The following HTR4 variants were observed in gnomAD, a reference collection of about 807,000 sequenced individuals.
HTR4 encodes the protein 5-hydroxytryptamine receptor 4, also known as 5-hydroxytryptamine (serotonin) receptor 4, G protein-coupled.
A neutral mutation model predicts 36.8 loss-of-function variants in HTR4; 16 were observed. That is an observed-to-expected ratio of 0.43 (90% CI 0.29 to 0.66). HTR4 has a LOEUF of 0.66. Ranked by LOEUF, HTR4 falls within the 30% of genes least tolerant of loss-of-function variation. The pLI is 0.13. For synonymous variants in HTR4, 189 were observed against 185.1 expected (o/e 1.02, Z -0.17); for missense variants, 438 against 490.9 (o/e 0.89, Z 1.02).
At chr5:148,532,491 T>C (rs756725748) in intron 4 of HTR4, among the ~76,000 whole-genome samples, 9 of 152,156 alleles carry the variant, frequency 5.9e-5, no homozygotes, top group Non-Finnish European at 1.3e-4. Flanking sequence ...GTTACCAGGT[T>C]TTGGAGATGT....
chr5:148,493,642 G>T (rs1310911778), intron 6 of HTR4, among the ~76,000 whole-genome samples: 2 of 151,726 alleles, frequency 1.3e-5, no homozygotes, highest in Admixed American at 6.6e-5. Context: ...TAATTAGCAA[G>T]TAAAAAAACA....
rs1200865806 is a variant in HTR4 at position 148,624,761 on chromosome 5, A to T, written c.26+12228T>A. On this transcript the variant is annotated intron_variant, in intron 2 of 6. Transcript: ENST00000377888. The stretch of plus-strand genomic sequence containing the variant: ...TCAGGGGCATAGAGTGGAGATGGGT[A>T]ATGGTTATTAATATCCACTGGGCAC... Among the ~76,000 whole-genome samples, 3 of 152,284 alleles carry T rather than the reference A, an allele frequency of 2.0e-5. No homozygotes were observed. In the East Asian group the frequency reaches 5.8e-4, roughly 29 times the overall value.
intron 4 of HTR4, among the ~76,000 whole-genome samples, chr5:148,540,877 G>A (rs531749260): frequency 3.2e-4 from 49 of 152,122 alleles, no homozygotes; most frequent in Non-Finnish European, 6.9e-4. Flanking sequence ...TCAGCTATGA[G>A]TCAGAAAGAA....
At chr5:148,472,843 T>C (rs560366879), downstream of HTR4, among the ~76,000 whole-genome samples, 2 of 152,314 alleles carry the variant, frequency 1.3e-5, no homozygotes, top group South Asian at 4.1e-4. Flanking sequence ...GACATATTGA[T>C]GAGAAACTGG....
Position 148,509,617 on chromosome 5 carries a change from G to T in HTR4, c.915C>A (p.Ser305=). ...TAFLWLGYIN[S]GLNPFLYAFL... ...AGGCGTAGAGAAAAGGGTTCAACCC[G>T]GAATTGATATAGCCGAGCCAGAGGA... The change falls in exon 6 of 7, where the codon TCC becomes TCA. Residue 305 remains serine (S), a synonymous_variant. Coordinates refer to ENST00000377888, the MANE Select transcript of HTR4 (RefSeq NM_000870.7). 1.2e-6 allele frequency: 2 copies of T among 1,614,050 alleles called. No homozygotes were observed. The highest frequency in any genetic ancestry group is 2.2e-5 in the South Asian group (2 of 91,076).
chr5:148,605,029 G>A (rs1752090183), intron 2 of HTR4, among the ~76,000 whole-genome samples: 1 of 152,070 alleles, frequency 6.6e-6, no homozygotes, highest in Admixed American at 6.6e-5. Flanking sequence ...AGGTATCTCT[G>A]TATACCTATT....
Position 148,615,159 on chromosome 5 carries a change from A to C in HTR4, c.26+21830T>G, listed in dbSNP as rs561184743. 5.3e-3 allele frequency among the ~76,000 whole-genome samples: 810 copies of C among 151,730 alleles called. 4 individuals are homozygous for C. Among genetic ancestry groups the C allele is most frequent in the Non-Finnish European group, 8.8e-3 (598 of 67,838 alleles). ...GATCTAGAACTAGAAATACCATTTG[A>C]CCCAGCCATCCCATTACTGGGTATA... is the stretch of plus-strand genomic sequence containing the variant. On this transcript the variant is annotated intron_variant, in intron 2 of 6. Coordinates refer to ENST00000377888, the MANE Select transcript of HTR4 (RefSeq NM_000870.7).
chr5:148,575,469 T>A (rs2113888633), intron 2 of HTR4, among the ~76,000 whole-genome samples: 1 of 152,182 alleles, frequency 6.6e-6, no homozygotes, highest in African/African-American at 2.4e-5. Context: ...TTGACAGAGA[T>A]CTGGAACCAT....
At chr5:148,637,223 G>T (rs555819682) in intron 1 of HTR4, among the ~76,000 whole-genome samples, 162 bp from the exon 2 acceptor site, 2 of 152,244 alleles carry the variant, frequency 1.3e-5, no homozygotes, top group South Asian at 2.1e-4. Flanking sequence ...GCATATTGAC[G>T]TATGGTACAG....
intron 2 of HTR4, among the ~76,000 whole-genome samples, chr5:148,588,549 T>A (rs1761435969): frequency 6.9e-6 from 1 of 145,562 alleles, no homozygotes; most frequent in Non-Finnish European, 1.5e-5. Context: ...TTTTTTTTTT[T>A]TTGAGATGGA....
intron 2 of HTR4, chr5:148,629,661 G>T (rs542825986): frequency 2.0e-5 from 3 of 152,264 alleles, no homozygotes; most frequent in South Asian, 2.1e-4. Flanking sequence ...AAGGTAAACT[G>T]CACAAAAGAC....
chr5:148,451,288 A>G, intron 5 of HTR4: 1 of 1,613,528 alleles, frequency 6.2e-7, no homozygotes, highest in Non-Finnish European at 8.5e-7. Context: ...AAGGAAGGAA[A>G]GAAGGCATGA....
At chr5:148,478,825 G>T (rs1488878678), downstream of HTR4, among the ~76,000 whole-genome samples, 1 of 151,982 alleles carries the variant, frequency 6.6e-6, no homozygotes, top group East Asian at 1.9e-4. Flanking sequence ...GGTCCCAAGA[G>T]GTAAACAAAA....
At chr5:148,623,962 G>T (rs1270490823) in intron 2 of HTR4, among the ~76,000 whole-genome samples, 2 of 152,198 alleles carry the variant, frequency 1.3e-5, no homozygotes, top group Non-Finnish European at 2.9e-5. Context: ...GAATCACAGA[G>T]CACATGGCCT....
Position 148,548,511 on chromosome 5 carries a change from C to A in HTR4, c.353+157G>T, listed in dbSNP as rs888093875. On this transcript the variant is annotated intron_variant, in intron 4 of 6. Coordinates refer to ENST00000377888, the MANE Select transcript of HTR4 (RefSeq NM_000870.7). ...GAGGGCCTGACTAAAAAGGGGGCCT[C>A]TGCAAAGGCTGGAGAATGACTGTAT... Among the ~76,000 whole-genome samples the A allele has an allele frequency of 1.7e-4, 26 of 152,238 alleles. 1 individual carries two copies. Among genetic ancestry groups the A allele is most frequent in the African/African-American group, 6.3e-4 (26 of 41,460 alleles).
chr5:148,552,602 T>A (rs1169774937), intron 2 of HTR4, among the ~76,000 whole-genome samples: 2 of 152,212 alleles, frequency 1.3e-5, no homozygotes, highest in African/African-American at 4.8e-5. Flanking sequence ...AGACTTCTTG[T>A]CATTCAGGCC....
chr5:148,542,587 A>C (rs192747417), intron 4 of HTR4, among the ~76,000 whole-genome samples: 118 of 152,364 alleles, frequency 7.7e-4, no homozygotes, highest in African/African-American at 2.8e-3. Context: ...GTATCCAAAA[A>C]AGAATCTTGC....
chr5:148,478,537 T>TA (rs1755773155), downstream of HTR4, among the ~76,000 whole-genome samples: 1 of 152,134 alleles, frequency 6.6e-6, no homozygotes, highest in African/African-American at 2.4e-5. Flanking sequence ...ATGGCAGTAT[T>TA]ATGAACACCG....
intron 2 of HTR4, among the ~76,000 whole-genome samples, chr5:148,601,190 A>G (rs1480050548): frequency 6.6e-6 from 1 of 152,026 alleles, no homozygotes; most frequent in African/African-American, 2.4e-5. Context: ...AAATAAAGAT[A>G]AGTATTAGCA....
Sources: allele counts gnomAD v4.1 joint callset (sites outside exome capture counted in the v4.1 genomes callset), GRCh38; gene constraint gnomAD v4.1.1; transcripts MANE v1.5; gene names NCBI Gene and HGNC (gene_info 2026-07-23, HGNC 2026-07-21).